BANF2: variants seen among roughly 807,000 people sequenced by gnomAD.
BANF2 encodes the protein barrier-to-autointegration factor-like protein.
In BANF2, 4 loss-of-function variants were observed where a neutral mutation model predicts 8.0. The ratio of observed to expected loss-of-function variants is 0.50; its 90% confidence interval spans 0.25 to 1.14. The LOEUF (loss-of-function observed/expected upper bound fraction) is 1.14, where lower values mean the gene tolerates loss of function less well. Among genes scored for constraint, BANF2 ranks in the 50% most tolerant of loss-of-function variants. The probability of loss-of-function intolerance (pLI) is 0.16; values close to 1 mark genes in which losing one functional copy is unlikely to be tolerated. For missense variants in BANF2, 96 were observed against 107.5 expected, an observed-to-expected ratio of 0.89 and a Z score of 0.47; for synonymous variants, 50 against 40.6, an observed-to-expected ratio of 1.23 and a Z score of -0.88.
At position 17,735,651 on chromosome 20, in the gene BANF2, C is replaced by T. The variant is rs767120295; in HGVS notation, c.127-14C>T. 4.3e-6 allele frequency: 7 copies of T among 1,612,380 alleles called. No individual in the cohort carries two copies. The East Asian group carries it at 1.1e-4, about 26-fold the overall frequency. ...ACCTTTCCTGCTTTCCTCCCTGTCT[C>T]ATCCCCTCCCCAGGCCTACATCCTG... On this transcript the variant is annotated splice_polypyrimidine_tract_variant and intron_variant, in intron 3 of 3. Transcript: ENST00000246090.
In BANF2 at chr20:17,722,811, T is replaced by G. The variant is rs964772995; in HGVS notation, c.-71T>G. On this transcript the variant is annotated 5_prime_UTR_variant, in exon 2 of 4. Coordinates refer to ENST00000246090, the MANE Select transcript of BANF2 (RefSeq NM_178477.5). The stretch of plus-strand genomic sequence containing the variant: ...ATCTCTTCCGGGAGAGTTCAGTGTC[T>G]TCTGAAATGTTACAAAACGTCCTTC... The G allele has an allele frequency of 1.0e-5, 10 of 985,092 alleles. No individual in the cohort carries two copies. The highest frequency in any genetic ancestry group is 1.2e-5 in the Non-Finnish European group (10 of 829,642). 61.0% of individuals were successfully genotyped at this position (985,092 alleles called of 1,614,324 possible). A position where few individuals can be genotyped will look rare whatever the true frequency, so the allele number is the denominator to read the frequency against.
intron 1 of BANF2, among the ~76,000 whole-genome samples, chr20:17,714,473 A>G (rs1600219464): frequency 6.6e-6 from 1 of 152,208 alleles, no homozygotes; most frequent in African/African-American, 2.4e-5. Flanking sequence ...ATGGAATTTT[A>G]TAGACAAGGG....
chr20:17,726,593 A>G (rs1039997905), intron 3 of BANF2, among the ~76,000 whole-genome samples: 23 of 152,218 alleles, frequency 1.5e-4, no homozygotes, highest in African/African-American at 5.1e-4. Context: ...TCACAGATCA[A>G]TGAATTTTTA....
At chr20:17,696,894 G>C (rs569817758), upstream of BANF2, among the ~76,000 whole-genome samples, 1 of 152,066 alleles carries the variant, frequency 6.6e-6, no homozygotes. Context: ...GTACTTTCTC[G>C]ACATGGTGTT....
In BANF2 at chr20:17,716,459, A is replaced by C. The variant is rs571336973; in HGVS notation, c.-166-6257A>C. Among the ~76,000 whole-genome samples, 195 of 151,892 alleles carry C rather than the reference A, an allele frequency of 1.3e-3. 4 individuals are homozygous for C. Among genetic ancestry groups the C allele is most frequent in the African/African-American group, 4.5e-3 (186 of 41,422 alleles). On this transcript the variant is annotated intron_variant, in intron 1 of 3. Coordinates refer to ENST00000246090, the MANE Select transcript of BANF2 (RefSeq NM_178477.5). ...AGCAATTCTCCCACCTCAGCCGCCC[A>C]AGTATCTGGGACCACAGGTGTGTGC...
chr20:17,725,353 C>T (rs1263366281), intron 3 of BANF2, among the ~76,000 whole-genome samples: 1 of 152,244 alleles, frequency 6.6e-6, no homozygotes, highest in Admixed American at 6.5e-5. Context: ...TGGGCACATA[C>T]ACATAGAATG....
At chr20:17,713,750 G>A (rs1028146067) in intron 1 of BANF2, among the ~76,000 whole-genome samples, 4 of 151,992 alleles carry the variant, frequency 2.6e-5, no homozygotes, top group African/African-American at 9.7e-5. Flanking sequence ...CAAGAGGATT[G>A]CTTGAACCTG....
intron 1 of BANF2, among the ~76,000 whole-genome samples, chr20:17,719,441 C>T (rs902442396): frequency 1.3e-5 from 2 of 151,956 alleles, no homozygotes; most frequent in Admixed American, 6.6e-5. Flanking sequence ...CCAGGTGCAT[C>T]GTCTTGAACA....
At chr20:17,721,540 C>T (rs142832148) in intron 1 of BANF2, among the ~76,000 whole-genome samples, 4,911 of 151,978 alleles carry the variant, frequency 0.032, 293 homozygotes, top group African/African-American at 0.11. Flanking sequence ...TACAGGTGCA[C>T]ACCACTACGC....
intron 3 of BANF2, among the ~76,000 whole-genome samples, chr20:17,731,760 A>AAAAAAG: frequency 3.7e-4 from 1 of 2,686 alleles, no homozygotes; most frequent in African/African-American, 1.6e-3. Context: ...GTCTCTTAGG[A>AAAAAAG]AAAAAAAAAA....
intron 1 of BANF2, among the ~76,000 whole-genome samples, chr20:17,701,885 T>A (rs1236695145): frequency 1.3e-5 from 2 of 152,160 alleles, no homozygotes; most frequent in East Asian, 3.8e-4. Context: ...GATCAAACGT[T>A]CCCATGCCCA....
chr20:17,707,246 CG>C (rs2037494757), intron 1 of BANF2, among the ~76,000 whole-genome samples: 1 of 151,724 alleles, frequency 6.6e-6, no homozygotes, highest in Admixed American at 6.6e-5. Flanking sequence ...AAAAATTAAC[CG>C]GGCATGGTGG....
intron 1 of BANF2, among the ~76,000 whole-genome samples, chr20:17,705,644 G>T (rs1009491194): frequency 1.3e-5 from 2 of 152,166 alleles, no homozygotes; most frequent in Non-Finnish European, 2.9e-5. Flanking sequence ...CCCTGAGAAT[G>T]GGGGGAGGCC....
chr20:17,732,567 G>T (rs1417086257), intron 3 of BANF2, among the ~76,000 whole-genome samples: 1 of 152,168 alleles, frequency 6.6e-6, no homozygotes, highest in Non-Finnish European at 1.5e-5. Flanking sequence ...ATGTTGGCCA[G>T]GCTGGTCTCG....
intron 1 of BANF2, among the ~76,000 whole-genome samples, chr20:17,703,506 C>A (rs11696810): frequency 0.024 from 3,640 of 152,240 alleles, 114 homozygotes; most frequent in African/African-American, 0.068. Context: ...ATGAGCACAG[C>A]GGCCTAGAAC....
upstream of BANF2, among the ~76,000 whole-genome samples, chr20:17,699,532 C>T (rs1568804522): frequency 6.6e-6 from 1 of 152,164 alleles, no homozygotes; most frequent in Non-Finnish European, 1.5e-5. Context: ...CACGGGTATA[C>T]TGGTAGAAGA....
intron 2 of BANF2, among the ~76,000 whole-genome samples, chr20:17,724,008 A>G (rs1364608640): frequency 6.6e-6 from 1 of 152,090 alleles, no homozygotes; most frequent in Non-Finnish European, 1.5e-5. Context: ...AAACAAAACA[A>G]AACAAAAAAC....
chr20:17,715,950 CT>C, intron 1 of BANF2, among the ~76,000 whole-genome samples: 1 of 152,230 alleles, frequency 6.6e-6, no homozygotes, highest in East Asian at 1.9e-4. Context: ...CTCAGAGCTG[CT>C]TTCCTCCACC....
intron 1 of BANF2, among the ~76,000 whole-genome samples, chr20:17,709,283 C>G (rs1600215959): frequency 6.6e-6 from 1 of 152,142 alleles, no homozygotes; most frequent in East Asian, 1.9e-4. Flanking sequence ...GACATGTGGA[C>G]CTGGAGGGCT....
Sources: gnomAD v4.1 joint callset for allele counts (sites outside exome capture counted in the v4.1 genomes callset) on GRCh38, gnomAD v4.1.1 for gene constraint, MANE v1.5 for transcripts, NCBI Gene and HGNC (gene_info 2026-07-23, HGNC 2026-07-21) for gene names.